The following CAP2 variants were observed in gnomAD, a reference collection of about 807,000 sequenced individuals.
The protein encoded by CAP2 is cyclase associated actin cytoskeleton regulatory protein 2.
CAP2 carries 24 observed loss-of-function variants against 57.7 expected under a neutral mutation model. That is an observed-to-expected ratio of 0.42 (90% CI 0.30 to 0.58). CAP2 has a LOEUF of 0.58. CAP2 is among the 20% of genes least tolerant of loss of function. The pLI is 0.22. For missense variants in CAP2, 501 were observed against 590.3 expected (o/e 0.85, Z 1.57); for synonymous variants, 194 against 207.2 (o/e 0.94, Z 0.55).
At chr6:17,414,578 A>G (rs1158658675) in intron 1 of CAP2, among the ~76,000 whole-genome samples, 1 of 152,184 alleles carries the variant, frequency 6.6e-6, no homozygotes, top group Non-Finnish European at 1.5e-5. Context: ...TGCAAAGGAC[A>G]TGATCTCATT....
intron 3 of CAP2, among the ~76,000 whole-genome samples, chr6:17,453,031 C>T (rs1760455707): frequency 6.6e-6 from 1 of 152,210 alleles, no homozygotes; most frequent in Non-Finnish European, 1.5e-5. Context: ...TCTCCATCAA[C>T]TACTTATAAA....
At chr6:17,510,404 C>T (rs886539369) in intron 6 of CAP2, among the ~76,000 whole-genome samples, 2 of 152,176 alleles carry the variant, frequency 1.3e-5, no homozygotes, top group African/African-American at 4.8e-5. Context: ...TTTAGTCGTT[C>T]CATGTTGCTT....
chr6:17,476,550 T>C (rs1303279912), intron 4 of CAP2, among the ~76,000 whole-genome samples: 2 of 152,222 alleles, frequency 1.3e-5, no homozygotes, highest in Non-Finnish European at 2.9e-5. Context: ...GATTATCTTT[T>C]TCAGAAGTAA....
chr6:17,440,708 A>G (rs996186403), intron 3 of CAP2, among the ~76,000 whole-genome samples: 1 of 150,678 alleles, frequency 6.6e-6, no homozygotes, highest in African/African-American at 2.5e-5. Context: ...TCTAGGGTAC[A>G]TGTGCACAAC....
At chr6:17,537,156 A>G (rs192490754) in intron 7 of CAP2, among the ~76,000 whole-genome samples, 2 of 152,268 alleles carry the variant, frequency 1.3e-5, no homozygotes, top group Non-Finnish European at 2.9e-5. Context: ...GAATTATATA[A>G]GTGCTTTGAA....
rs1762625285 is a variant in CAP2 at position 17,530,991 on chromosome 6, C to T, written c.637-8278C>T. On this transcript the variant is annotated intron_variant, in intron 7 of 12. Transcript: ENST00000229922. ...GGTGGTCTTTTTCTTCATTCTGCCT[C>T]GTGGAGAAGATAATTTGAAGGGCCA... 27 of 1,386,790 alleles carry T rather than the reference C, an allele frequency of 1.9e-5. No homozygotes were observed. The South Asian group carries it at 2.4e-4, about 12-fold the overall frequency. The allele number at this position is 1,386,790 out of a possible 1,614,324, so 85.9% of individuals were successfully genotyped here.
At chr6:17,490,810 C>T (rs112878045) in intron 4 of CAP2, among the ~76,000 whole-genome samples, 15 of 152,264 alleles carry the variant, frequency 9.9e-5, no homozygotes, top group African/African-American at 3.4e-4. Flanking sequence ...GCAGGGGGTA[C>T]CCAAAGGGCT....
chr6:17,495,569 T>G (rs1761643111), intron 4 of CAP2, among the ~76,000 whole-genome samples: 1 of 152,074 alleles, frequency 6.6e-6, no homozygotes, highest in Non-Finnish European at 1.5e-5. Flanking sequence ...GGCTCAGCAG[T>G]CTACAAGCAC....
intron 1 of CAP2, among the ~76,000 whole-genome samples, chr6:17,416,216 G>C (rs1337885936): frequency 6.7e-6 from 1 of 150,076 alleles, no homozygotes; most frequent in Non-Finnish European, 1.5e-5. Flanking sequence ...TGAAATGTTG[G>C]GGACAAAAAT....
In CAP2 at chr6:17,507,328, A is replaced by T. The variant is rs761719363; in HGVS notation, c.444+16A>T. The T allele has an allele frequency of 3.7e-6, 6 of 1,613,408 alleles. No homozygotes were observed. Among genetic ancestry groups the T allele is most frequent in the South Asian group, 3.3e-5 (3 of 91,032 alleles). ...GATAGCTGTGGTGAGTCCAGGTGCA[A>T]TGTTGCCTCTTCACCTCATCACACG... is the stretch of plus-strand genomic sequence containing the variant. On this transcript the variant is annotated intron_variant, in intron 5 of 12. Coordinates refer to ENST00000229922, the MANE Select transcript of CAP2 (RefSeq NM_006366.3).
At position 17,395,334 on chromosome 6, in the gene CAP2, G is replaced by A. The variant is rs191511101; in HGVS notation, c.-2+1588G>A. Among the ~76,000 whole-genome samples the A allele has an allele frequency of 3.5e-3, 533 of 152,284 alleles. 6 individuals are homozygous for A. Among genetic ancestry groups the A allele is most frequent in the African/African-American group, 0.012 (516 of 41,576 alleles). On this transcript the variant is annotated intron_variant, in intron 1 of 12. Transcript: ENST00000229922. ...GCTAAAGACAATACCTAAAGGAATG[G>A]TATGTTTGTGTTTTACTTTATTTAC...
intron 3 of CAP2, among the ~76,000 whole-genome samples, chr6:17,434,848 AC>A (rs57601236): frequency 0.031 from 4,684 of 151,634 alleles, 211 homozygotes; most frequent in African/African-American, 0.1. Flanking sequence ...AAAACAAACA[AC>A]CCCATCAAAA....
intron 3 of CAP2, among the ~76,000 whole-genome samples, chr6:17,440,282 G>A (rs528035640): frequency 6.6e-6 from 1 of 151,434 alleles, no homozygotes; most frequent in East Asian, 1.9e-4. Flanking sequence ...TTAGTAAATG[G>A]GCTAATTTTG....
chr6:17,498,334 G>C (rs987810125), intron 4 of CAP2, among the ~76,000 whole-genome samples: 2 of 152,118 alleles, frequency 1.3e-5, no homozygotes, highest in African/African-American at 2.4e-5. Flanking sequence ...AAAATATGTT[G>C]GTAATGACAA....
intron 3 of CAP2, among the ~76,000 whole-genome samples, chr6:17,462,593 G>A (rs1158581221): frequency 6.6e-6 from 1 of 152,030 alleles, no homozygotes; most frequent in East Asian, 1.9e-4. Flanking sequence ...GCTCTGTAGT[G>A]GTTTCTGTCT....
chr6:17,497,305 C>T (rs963625808), intron 4 of CAP2, among the ~76,000 whole-genome samples: 1 of 152,102 alleles, frequency 6.6e-6, no homozygotes, highest in Non-Finnish European at 1.5e-5. Flanking sequence ...CAGAATCTCA[C>T]AAAGTGAAAT....
intron 1 of CAP2, 148 bp downstream of exon 1, chr6:17,393,894 G>C (rs2113487710): frequency 6.6e-6 from 1 of 151,118 alleles, no homozygotes; most frequent in East Asian, 2.0e-4. Flanking sequence ...AGCAGCGCGA[G>C]GGGAATAAAG....
intron 1 of CAP2, among the ~76,000 whole-genome samples, chr6:17,406,684 G>A (rs922023923): frequency 3.9e-5 from 6 of 151,978 alleles, no homozygotes; most frequent in African/African-American, 1.2e-4. Context: ...GAGCAACCTC[G>A]CCCTGCCCAG....
intron 4 of CAP2, among the ~76,000 whole-genome samples, chr6:17,491,074 A>G (rs1761530461): frequency 6.6e-6 from 1 of 152,078 alleles, no homozygotes; most frequent in Admixed American, 6.5e-5. Context: ...ACTCAGTGTC[A>G]TTAACATCAT....
Sources: allele counts gnomAD v4.1 joint callset (sites outside exome capture counted in the v4.1 genomes callset), GRCh38; gene constraint gnomAD v4.1.1; transcripts MANE v1.5; gene names NCBI Gene and HGNC (gene_info 2026-07-23, HGNC 2026-07-21).